The following PDE1A variants were observed in gnomAD, a reference collection of about 807,000 sequenced individuals.
PDE1A encodes the protein phosphodiesterase 1A, also known as dual specificity calcium/calmodulin-dependent 3',5'-cyclic nucleotide phosphodiesterase 1A.
In PDE1A, 35 loss-of-function variants were observed where a neutral mutation model predicts 61.7. The observed-to-expected ratio is 0.57, with a 90% CI of 0.43 to 0.75. The LOEUF is 0.75. PDE1A is among the 30% of genes least tolerant of loss of function. PDE1A has a pLI of 0.00. For synonymous variants in PDE1A, 232 were observed against 213.2 expected, an observed-to-expected ratio of 1.09 and a Z score of -0.77; for missense variants, 597 against 630.6, an observed-to-expected ratio of 0.95 and a Z score of 0.57.
At chr2:182,391,446 G>T (rs1406075920) in intron 1 of PDE1A, among the ~76,000 whole-genome samples, 1 of 152,150 alleles carries the variant, frequency 6.6e-6, no homozygotes, top group Non-Finnish European at 1.5e-5. Context: ...GGATCCAAAG[G>T]CTTAGGGAGA....
At chr2:182,157,398 C>T (rs1219379029) in intron 13 of PDE1A, among the ~76,000 whole-genome samples, 1 of 152,064 alleles carries the variant, frequency 6.6e-6, no homozygotes, top group Non-Finnish European at 1.5e-5. Context: ...AAATTGTGCA[C>T]ACTTTGCATA....
At chr2:182,198,105 T>G (rs1035334399) in intron 10 of PDE1A, among the ~76,000 whole-genome samples, 2 of 151,922 alleles carry the variant, frequency 1.3e-5, no homozygotes, top group African/African-American at 4.8e-5. Flanking sequence ...TGTGGAGGTT[T>G]CATATACATT....
chr2:182,142,809 A>G (rs1690291705), downstream of PDE1A: 1 of 152,220 alleles, frequency 6.6e-6, no homozygotes, highest in Admixed American at 6.5e-5. Flanking sequence ...GCTTGATTGA[A>G]GAAGGCCAAA....
chr2:182,389,485 T>A (rs957745773), intron 1 of PDE1A, among the ~76,000 whole-genome samples: 2 of 151,976 alleles, frequency 1.3e-5, no homozygotes, highest in Non-Finnish European at 2.9e-5. Context: ...AAGTGATATA[T>A]TAAAAAAATA....
At chr2:182,589,742 A>G in the PDE1A span, among the ~76,000 whole-genome samples, 3 of 152,254 alleles carry the variant, frequency 2.0e-5, no homozygotes, top group Non-Finnish European at 4.4e-5. Context: ...CAAATCGAGA[A>G]TACTCTCATT....
At chr2:182,152,437 T>TTTTTTTTTTTTTTTTTTTTTTTTTTA (rs1690839160) in intron 13 of PDE1A, among the ~76,000 whole-genome samples, 1 of 88,258 alleles carries the variant, frequency 1.1e-5, no homozygotes, top group Non-Finnish European at 2.3e-5. Context: ...TTTTTTTTTT[T>TTTTTTTTTTTTTTTTTTTTTTTTTTA]GAGATGGAGT....
At chr2:182,447,919 G>A (rs1181210340) in intron 2 of PDE1A, among the ~76,000 whole-genome samples, 4 of 152,064 alleles carry the variant, frequency 2.6e-5, no homozygotes, top group Non-Finnish European at 4.4e-5. Flanking sequence ...GGATGTTTCT[G>A]ATGAGCACAA....
chr2:182,326,988 T>C (rs1697086495), intron 1 of PDE1A, among the ~76,000 whole-genome samples: 1 of 152,208 alleles, frequency 6.6e-6, no homozygotes, highest in African/African-American at 2.4e-5. Context: ...TGAGTAAACA[T>C]TATCTCAACA....
chr2:182,341,456 C>T (rs993901887), intron 1 of PDE1A, among the ~76,000 whole-genome samples: 1 of 152,172 alleles, frequency 6.6e-6, no homozygotes, highest in African/African-American at 2.4e-5. Flanking sequence ...TGTTAATCGT[C>T]TTTGTTTAGT....
intron 13 of PDE1A, among the ~76,000 whole-genome samples, chr2:182,181,548 G>A (rs571318766): frequency 1.1e-4 from 17 of 152,348 alleles, no homozygotes; most frequent in African/African-American, 4.1e-4. Context: ...GAACCTGCTT[G>A]AGGAGGCAGT....
the PDE1A span, among the ~76,000 whole-genome samples, chr2:182,588,214 AAGAG>A: frequency 6.6e-6 from 1 of 152,198 alleles, no homozygotes; most frequent in Non-Finnish European, 1.5e-5. Flanking sequence ...AACAGGGAAA[AAGAG>A]AGCGCTGGGT....
chr2:182,290,579 GC>G (rs1249819789), intron 1 of PDE1A, among the ~76,000 whole-genome samples: 1 of 151,832 alleles, frequency 6.6e-6, no homozygotes, highest in Non-Finnish European at 1.5e-5. Flanking sequence ...GCCTGAAGGG[GC>G]CTCCCCATGT....
At chr2:182,585,746 C>A in the PDE1A span, among the ~76,000 whole-genome samples, 2 of 152,116 alleles carry the variant, frequency 1.3e-5, no homozygotes. Context: ...TAATTTTCCT[C>A]TTTGTTCCCA....
chr2:182,336,113 A>G (rs1467086187), intron 1 of PDE1A, among the ~76,000 whole-genome samples: 1 of 152,200 alleles, frequency 6.6e-6, no homozygotes, highest in African/African-American at 2.4e-5. Context: ...AAAAGTCAGG[A>G]AAAAACACAT....
the PDE1A span, among the ~76,000 whole-genome samples, chr2:182,544,805 C>G: frequency 6.6e-6 from 1 of 152,228 alleles, no homozygotes; most frequent in Admixed American, 6.5e-5. Flanking sequence ...CACTTGCCTT[C>G]CCCTTTTTTC....
chr2:182,615,301 G>A, the PDE1A span, among the ~76,000 whole-genome samples: 2 of 152,056 alleles, frequency 1.3e-5, no homozygotes, highest in Non-Finnish European at 2.9e-5. Context: ...GCATATCTTT[G>A]CAAAGCTGGG....
chr2:182,506,894 C>T (rs1455319551), intron 2 of PDE1A, among the ~76,000 whole-genome samples: 1 of 152,188 alleles, frequency 6.6e-6, no homozygotes, highest in Non-Finnish European at 1.5e-5. Flanking sequence ...AGTTTCCCTG[C>T]TTTACTCTAT....
At position 182,186,689 on chromosome 2, in the gene PDE1A, A is replaced by G. The variant is rs554950721; in HGVS notation, c.1208-101T>C. On this transcript the variant is annotated intron_variant, in intron 11 of 13. Transcript: ENST00000351439. ...ATGAAGAGCTTCTGACAATCCTGGG[A>G]TAGCAAGAATCAACTAAAATATTGG... 7.5e-5 allele frequency: 90 copies of G among 1,199,122 alleles called. No individual in the cohort carries two copies. In the African/African-American group the frequency reaches 1.3e-3, roughly 17 times the overall value. 74.3% of individuals were successfully genotyped at this position (1,199,122 alleles called of 1,614,324 possible).
intron 1 of PDE1A, among the ~76,000 whole-genome samples, chr2:182,273,865 A>C (rs1032342963): frequency 6.6e-6 from 1 of 152,104 alleles, no homozygotes; most frequent in African/African-American, 2.4e-5. Flanking sequence ...CAGTTCCACC[A>C]AAAATAACAA....
Sources: gnomAD v4.1 joint callset for allele counts (sites outside exome capture counted in the v4.1 genomes callset) on GRCh38, gnomAD v4.1.1 for gene constraint, MANE v1.5 for transcripts, NCBI Gene and HGNC (gene_info 2026-07-23, HGNC 2026-07-21) for gene names.